The following GALK2 variants were observed in gnomAD, a reference collection of about 807,000 sequenced individuals.
GALK2 encodes N-acetylgalactosamine kinase.
Under a neutral mutation model 52.4 loss-of-function variants are expected in GALK2, and 36 were observed. That is an observed-to-expected ratio of 0.69 (90% CI 0.53 to 0.91). The LOEUF is 0.91. Among genes scored for constraint, GALK2 ranks in the 40% least tolerant of loss-of-function variants. The pLI is 0.00. For missense variants in GALK2, 579 were observed against 559.1 expected (o/e 1.04, Z -0.36); for synonymous variants, 176 against 199.1 (o/e 0.88, Z 0.98).
intron 3 of GALK2, chr15:49,235,637 G>A (rs1232925600): frequency 4.4e-6 from 3 of 688,274 alleles, no homozygotes; most frequent in South Asian, 1.5e-5. Context: ...AATAAAAAGG[G>A]TCAGTTGGAG....
chr15:49,246,411 T>C (rs1392567465), intron 5 of GALK2, among the ~76,000 whole-genome samples: 3 of 152,144 alleles, frequency 2.0e-5, no homozygotes, highest in African/African-American at 7.2e-5. Context: ...TTCATGAGGT[T>C]GTAGACTGAG....
intron 7 of GALK2, among the ~76,000 whole-genome samples, chr15:49,284,576 C>G (rs769036972): frequency 6.6e-6 from 1 of 152,174 alleles, no homozygotes; most frequent in Non-Finnish European, 1.5e-5. Context: ...TTGCTTTGAT[C>G]TCCTGATGGA....
intron 3 of GALK2, among the ~76,000 whole-genome samples, chr15:49,340,380 C>A (rs926880295): frequency 6.6e-6 from 1 of 150,522 alleles, no homozygotes; most frequent in Non-Finnish European, 1.5e-5. Context: ...GCCCCTTGTG[C>A]TTCCTGGGTG....
intron 7 of GALK2, among the ~76,000 whole-genome samples, chr15:49,288,004 AAGTC>A (rs1458529823): frequency 6.6e-6 from 1 of 152,166 alleles, no homozygotes; most frequent in Non-Finnish European, 1.5e-5. Context: ...AATTCATAAA[AAGTC>A]AGAGCCTTGT....
upstream of GALK2, chr15:49,169,022 C>T (rs16962147): frequency 0.067 from 10,285 of 153,396 alleles, 733 homozygotes; most frequent in African/African-American, 0.17. Context: ...AATAACCCAA[C>T]GGGGTGCCAA....
chr15:49,308,925 C>A (rs1015628673), intron 8 of GALK2, among the ~76,000 whole-genome samples: 1 of 152,172 alleles, frequency 6.6e-6, no homozygotes, highest in Non-Finnish European at 1.5e-5. Context: ...CCTTTTCCAT[C>A]TCAGGGAAAT....
chr15:49,156,184 C>T, intron 1 of GALK2: 1 of 659,052 alleles, frequency 1.5e-6, no homozygotes, highest in Non-Finnish European at 2.7e-6. Context: ...ATGCAGCTAT[C>T]AGTTGAGTTG....
intron 3 of GALK2, among the ~76,000 whole-genome samples, chr15:49,338,475 G>C (rs141541425): frequency 7.9e-5 from 12 of 152,318 alleles, no homozygotes; most frequent in African/African-American, 2.9e-4. Flanking sequence ...CTGGTTTGTA[G>C]GGTTTCTGCA....
In GALK2 at chr15:49,299,951, T is replaced by C. The variant is rs574930361; in HGVS notation, c.967+7414T>C. On this transcript the variant is annotated intron_variant, in intron 8 of 9. Transcript: ENST00000560031. ...TGTTGGGTGGAGTATTCTATAGATA[T>C]CTGTTAGGTCCATTTGGTCAAGTGC... 2.6e-5 allele frequency among the ~76,000 whole-genome samples: 4 copies of C among 152,036 alleles called. No individual in the cohort carries two copies. The East Asian group carries it at 5.8e-4, about 22-fold the overall frequency.
intron 9 of GALK2, among the ~76,000 whole-genome samples, chr15:49,325,684 A>G (rs2037357215): frequency 6.6e-6 from 1 of 152,244 alleles, no homozygotes; most frequent in Admixed American, 6.5e-5. Flanking sequence ...ACTTGGGGGC[A>G]GAAGGCTATT....
intron 5 of GALK2, among the ~76,000 whole-genome samples, chr15:49,262,987 A>G (rs1473125727): frequency 6.9e-6 from 1 of 145,348 alleles, no homozygotes; most frequent in Non-Finnish European, 1.5e-5. Flanking sequence ...CTTTACTTCC[A>G]AGTATGTGGT....
At chr15:49,247,402 C>T (rs956687665) in intron 5 of GALK2, among the ~76,000 whole-genome samples, 1 of 151,814 alleles carries the variant, frequency 6.6e-6, no homozygotes, top group Non-Finnish European at 1.5e-5. Context: ...TTATACCATA[C>T]CCCTGACAGT....
intron 5 of GALK2, among the ~76,000 whole-genome samples, chr15:49,256,861 T>A (rs1448705400): frequency 6.6e-6 from 1 of 152,192 alleles, no homozygotes; most frequent in African/African-American, 2.4e-5. Flanking sequence ...AAATCACAAC[T>A]GATTTAGATC....
chr15:49,321,188 G>C (rs920239511), intron 9 of GALK2, among the ~76,000 whole-genome samples: 1 of 152,228 alleles, frequency 6.6e-6, no homozygotes, highest in Non-Finnish European at 1.5e-5. Context: ...TCACTCTGAC[G>C]AAGAGATCTT....
At chr15:49,275,902 G>C (rs1046670516) in intron 5 of GALK2, among the ~76,000 whole-genome samples, 3 of 152,258 alleles carry the variant, frequency 2.0e-5, no homozygotes, top group Non-Finnish European at 4.4e-5. Context: ...TTTAATTTAG[G>C]AAGCCCACAA....
chr15:49,323,581 G>A (rs1175031491), intron 9 of GALK2, among the ~76,000 whole-genome samples: 1 of 152,078 alleles, frequency 6.6e-6, no homozygotes, highest in Non-Finnish European at 1.5e-5. Context: ...GTAAATTAAC[G>A]GCTTGAATAC....
At chr15:49,223,723 T>C (rs982623458) in intron 3 of GALK2, among the ~76,000 whole-genome samples, 5 of 152,230 alleles carry the variant, frequency 3.3e-5, no homozygotes, top group South Asian at 2.1e-4. Context: ...TATGATTTCA[T>C]CCTTTTTATG....
intron 5 of GALK2, among the ~76,000 whole-genome samples, chr15:49,252,221 G>A (rs1385537372): frequency 5.3e-5 from 8 of 152,034 alleles, no homozygotes; most frequent in East Asian, 1.9e-4. Context: ...AGGCGAGATC[G>A]CACCATTGCA....
intron 5 of GALK2, among the ~76,000 whole-genome samples, chr15:49,247,736 ATAAGTGTATT>A (rs2091421403): frequency 6.6e-6 from 1 of 152,180 alleles, no homozygotes; most frequent in African/African-American, 2.4e-5. Flanking sequence ...GAGTGAACCC[ATAAGTGTATT>A]TTAACAGTTC....
Sources: allele counts gnomAD v4.1 joint callset (sites outside exome capture counted in the v4.1 genomes callset), GRCh38; gene constraint gnomAD v4.1.1; transcripts MANE v1.5; gene names NCBI Gene and HGNC (gene_info 2026-07-23, HGNC 2026-07-21).